WARS1: variants seen among roughly 807,000 people sequenced by gnomAD.
WARS1 encodes the protein tryptophanyl-tRNA synthetase 1, also known as tryptophan--tRNA ligase, cytoplasmic.
A neutral mutation model predicts 47.8 loss-of-function variants in WARS1; 17 were observed. The ratio of observed to expected loss-of-function variants is 0.36; its 90% confidence interval spans 0.24 to 0.53. The LOEUF (loss-of-function observed/expected upper bound fraction) is 0.53, where lower values mean the gene tolerates loss of function less well. Ranked by LOEUF, WARS1 falls within the 20% of genes least tolerant of loss-of-function variation. The probability of loss-of-function intolerance (pLI) is 0.91; values close to 1 mark genes in which losing one functional copy is unlikely to be tolerated. For synonymous variants in WARS1, 208 were observed against 228.1 expected (o/e 0.91, Z 0.79); for missense variants, 434 against 608.0 (o/e 0.71, Z 3.01).
chr14:100,366,244 C>T (rs553027513), intron 2 of WARS1, among the ~76,000 whole-genome samples: 2 of 152,164 alleles, frequency 1.3e-5, no homozygotes, highest in African/African-American at 2.4e-5. Flanking sequence ...GGACTCACCC[C>T]CTCTGAACAG....
chr14:100,358,746 T>A (rs1455689168), intron 4 of WARS1, among the ~76,000 whole-genome samples: 1 of 152,174 alleles, frequency 6.6e-6, no homozygotes, highest in African/African-American at 2.4e-5. Context: ...ACAACCTATA[T>A]AATGGGAGCA....
intron 2 of WARS1, among the ~76,000 whole-genome samples, chr14:100,365,782 G>C (rs1895950184): frequency 6.7e-6 from 1 of 148,530 alleles, no homozygotes; most frequent in Non-Finnish European, 1.5e-5. Context: ...GAAACAAGAA[G>C]AGGATGACAG....
intron 6 of WARS1, 96 bp downstream of exon 6, chr14:100,353,591 T>G: frequency 2.1e-6 from 3 of 1,447,100 alleles, no homozygotes; most frequent in Admixed American, 1.9e-5. Context: ...TACTAGGCCT[T>G]AAGACCATTT....
At chr14:100,361,663 T>G (rs370983031) in intron 3 of WARS1, 45 bp downstream of exon 3, 1 of 1,593,996 alleles carries the variant, frequency 6.3e-7, no homozygotes, top group Non-Finnish European at 8.6e-7. Context: ...ATGGGACCAC[T>G]TCTAAAAGTT....
chr14:100,371,435 A>G (rs2140096630), intron 1 of WARS1, among the ~76,000 whole-genome samples: 1 of 133,486 alleles, frequency 7.5e-6, no homozygotes. Context: ...GGGTGACAGA[A>G]AGGTTCTGTC....
intron 5 of WARS1, 58 bp from the exon 6 acceptor site, chr14:100,353,927 T>G (rs1259689015): frequency 6.6e-7 from 1 of 1,511,944 alleles, no homozygotes; most frequent in Non-Finnish European, 9.0e-7. Context: ...AGGAACGCCA[T>G]CGTGCATCTG....
At chr14:100,364,694 A>C (rs1895848865) in intron 2 of WARS1, among the ~76,000 whole-genome samples, 1 of 152,250 alleles carries the variant, frequency 6.6e-6, no homozygotes. Context: ...AAATGTATTA[A>C]GTTGACTAAA....
chr14:100,367,608 C>CAAAAAAAAAAA (rs35916618), intron 2 of WARS1, among the ~76,000 whole-genome samples: 1 of 29,770 alleles, frequency 3.4e-5, no homozygotes, highest in Non-Finnish European at 5.7e-5. Context: ...GGTGGGGTGG[C>CAAAAAAAAAAA]AAAAAAAAAA....
At chr14:100,365,728 CTTTT>C (rs5810993) in intron 2 of WARS1, among the ~76,000 whole-genome samples, 8 of 141,770 alleles carry the variant, frequency 5.6e-5, no homozygotes, top group African/African-American at 1.3e-4. Context: ...CAGAGATCTT[CTTTT>C]TTTTTTTTTT....
intron 6 of WARS1, among the ~76,000 whole-genome samples, chr14:100,350,837 G>T (rs1894933169): frequency 6.6e-6 from 1 of 152,168 alleles, no homozygotes; most frequent in Admixed American, 6.5e-5. Context: ...CCAGAGAGGG[G>T]CATCTAAATT....
intron 9 of WARS1, among the ~76,000 whole-genome samples, chr14:100,340,742 G>A (rs923019261): frequency 2.6e-5 from 4 of 152,124 alleles, no homozygotes; most frequent in African/African-American, 9.7e-5. Context: ...GGGATTTAGA[G>A]TGAGGGCCTG....
chr14:100,341,815 G>A (rs556387779), intron 9 of WARS1, among the ~76,000 whole-genome samples: 38 of 152,352 alleles, frequency 2.5e-4, no homozygotes, highest in African/African-American at 7.9e-4. Context: ...CTCTCTGGGA[G>A]AAGACCAGCT....
chr14:100,374,879 A>G (rs894612924), intron 1 of WARS1: 2 of 152,212 alleles, frequency 1.3e-5, no homozygotes, highest in African/African-American at 4.8e-5. Context: ...TTTAAACACT[A>G]AAAGAAAGAT....
Position 100,334,228 on chromosome 14 carries a change from C to T in WARS1, c.*647G>A, listed in dbSNP as rs1389479186. 2.0e-5 allele frequency: 3 copies of T among 152,746 alleles called. No homozygotes were observed. The highest frequency in any genetic ancestry group is 4.1e-4 in the South Asian group (2 of 4,824). The allele number at this position is 152,746 out of a possible 1,614,324, so 9.5% of individuals were successfully genotyped here. ...TGGACTACATGCATGGTCTGGAGTTCAGTAAACTGGAAAGTTTCACCCCCA... is the reference window on the plus strand; with the variant it reads ...TGGACTACATGCATGGTCTGGAGTTTAGTAAACTGGAAAGTTTCACCCCCA... On this transcript the variant is annotated 3_prime_UTR_variant, in exon 11 of 11. Transcript: ENST00000392882.
intron 10 of WARS1, 105 bp from the exon 11 acceptor site, chr14:100,335,141 G>A (rs1893631278): frequency 3.7e-6 from 4 of 1,087,040 alleles, no homozygotes; most frequent in Non-Finnish European, 5.3e-6. Context: ...GCAGAGCCTG[G>A]CACGTGGGTG....
At chr14:100,364,971 T>C (rs904346791) in intron 2 of WARS1, among the ~76,000 whole-genome samples, 5 of 152,132 alleles carry the variant, frequency 3.3e-5, no homozygotes, top group African/African-American at 1.2e-4. Context: ...ACTATTTATT[T>C]CATTTAAAAT....
intron 7 of WARS1, among the ~76,000 whole-genome samples, chr14:100,343,956 G>T (rs1894349868): frequency 6.6e-6 from 1 of 152,152 alleles, no homozygotes; most frequent in Non-Finnish European, 1.5e-5. Flanking sequence ...TCATTGTAAT[G>T]ACTATCCATG....
intron 7 of WARS1, among the ~76,000 whole-genome samples, chr14:100,343,881 C>T (rs912207016): frequency 1.3e-5 from 2 of 152,236 alleles, no homozygotes; most frequent in Non-Finnish European, 2.9e-5. Flanking sequence ...GATCTGCCCA[C>T]CTCGGCCTCC....
Position 100,337,110 on chromosome 14 carries a change from G to A in WARS1, c.1206C>T (p.Tyr402=), listed in dbSNP as rs941951647. 10 of 1,614,186 alleles carry A rather than the reference G, an allele frequency of 6.2e-6. No homozygotes were observed. Among genetic ancestry groups the A allele is most frequent in the Non-Finnish European group, 7.6e-6 (9 of 1,180,018 alleles). ...CGTCGTCCTCGAGGAAGAAGGTCAG[G>A]TACATGAAAGACACGTCCACATCAC... ...GNCDVDVSFM[Y]LTFFLEDDDK... is the part of the protein sequence containing the mutation. Residue 402 remains tyrosine, a synonymous_variant, in exon 10 of 11, where the codon TAC becomes TAT. Coordinates refer to ENST00000392882, the MANE Select transcript of WARS1 (RefSeq NM_004184.4).
Sources: gnomAD v4.1 joint callset for allele counts (sites outside exome capture counted in the v4.1 genomes callset) on GRCh38, gnomAD v4.1.1 for gene constraint, MANE v1.5 for transcripts, NCBI Gene and HGNC (gene_info 2026-07-23, HGNC 2026-07-21) for gene names.